Variants in PTPRT observed in about 807,000 individuals in gnomAD.
PTPRT encodes protein tyrosine phosphatase receptor type T.
A neutral mutation model predicts 176.8 loss-of-function variants in PTPRT; 56 were observed. That is an observed-to-expected ratio of 0.32 (90% confidence interval 0.26 to 0.40). PTPRT has a LOEUF of 0.40. Ranked by LOEUF, PTPRT falls within the 10% of genes least tolerant of loss-of-function variation. The pLI, the probability that PTPRT is intolerant of heterozygous loss-of-function variation, is 1.00. For synonymous variants in PTPRT, 783 were observed against 739.0 expected, an observed-to-expected ratio of 1.06 and a Z score of -0.96; for missense variants, 1,540 against 1,908.2, an observed-to-expected ratio of 0.81 and a Z score of 3.60.
intron 9 of PTPRT, among the ~76,000 whole-genome samples, chr20:42,440,615 C>T (rs1332919320): frequency 3.3e-5 from 5 of 151,698 alleles, no homozygotes; most frequent in African/African-American, 1.2e-4. Flanking sequence ...GTAGCTGGGA[C>T]TACAGGTGCC....
At chr20:42,516,089 C>G (rs1427687359) in intron 7 of PTPRT, among the ~76,000 whole-genome samples, 3 of 121,806 alleles carry the variant, frequency 2.5e-5, no homozygotes, top group African/African-American at 6.5e-5. Flanking sequence ...GAATATCACA[C>G]TCTGGGGACT....
At chr20:42,757,484 T>C (rs980755041) in intron 5 of PTPRT, among the ~76,000 whole-genome samples, 10 of 152,154 alleles carry the variant, frequency 6.6e-5, no homozygotes, top group Non-Finnish European at 1.3e-4. Context: ...CACATGCTCT[T>C]TTCTCTGCCT....
At chr20:43,005,797 G>T (rs1984825116) in intron 1 of PTPRT, among the ~76,000 whole-genome samples, 1 of 152,098 alleles carries the variant, frequency 6.6e-6, no homozygotes, top group Admixed American at 6.5e-5. Flanking sequence ...AATTTTAAAA[G>T]AAATATTTGT....
intron 15 of PTPRT, among the ~76,000 whole-genome samples, chr20:42,218,249 T>TC (rs2055816028): frequency 6.6e-6 from 1 of 152,208 alleles, no homozygotes; most frequent in African/African-American, 2.4e-5. Context: ...TGGATTACAT[T>TC]AAGTTAAAAA....
At chr20:42,744,659 A>G (rs550226488) in intron 6 of PTPRT, among the ~76,000 whole-genome samples, 1 of 152,296 alleles carries the variant, frequency 6.6e-6, no homozygotes, top group South Asian at 2.1e-4. Flanking sequence ...TTATCACTTC[A>G]ATATTAATAA....
At chr20:42,691,886 AAGAGAACATG>A (rs1367807559) in intron 6 of PTPRT, among the ~76,000 whole-genome samples, 6 of 152,200 alleles carry the variant, frequency 3.9e-5, no homozygotes, top group African/African-American at 1.2e-4. Context: ...TCTGTAGAGG[AAGAGAACATG>A]AGGAAACAGG....
chr20:42,751,807 G>A (rs1222779716), intron 6 of PTPRT, among the ~76,000 whole-genome samples: 2 of 152,066 alleles, frequency 1.3e-5, no homozygotes, highest in Non-Finnish European at 2.9e-5. Context: ...CTACACTGCC[G>A]AGCTTTCCTA....
chr20:42,724,466 T>G (rs1230640228), intron 6 of PTPRT, among the ~76,000 whole-genome samples: 2 of 152,170 alleles, frequency 1.3e-5, no homozygotes, highest in Non-Finnish European at 2.9e-5. Context: ...CATTTCTTTC[T>G]TGTTTCCCTC....
At chr20:42,458,597 T>C (rs763531014) in intron 8 of PTPRT, among the ~76,000 whole-genome samples, 3 of 152,154 alleles carry the variant, frequency 2.0e-5, no homozygotes, top group Non-Finnish European at 2.9e-5. Context: ...AGCTCTAGGG[T>C]AGCCTAGAGA....
intron 7 of PTPRT, among the ~76,000 whole-genome samples, chr20:42,531,874 A>G (rs2072390557): frequency 6.6e-6 from 1 of 152,162 alleles, no homozygotes; most frequent in African/African-American, 2.4e-5. Flanking sequence ...GGAAACATAT[A>G]CAGAAAAGGG....
chr20:42,535,148 A>C (rs755306371), intron 7 of PTPRT, among the ~76,000 whole-genome samples: 2 of 152,146 alleles, frequency 1.3e-5, no homozygotes, highest in East Asian at 1.9e-4. Flanking sequence ...CAGACACACA[A>C]AAAAAATGAG....
intron 8 of PTPRT, among the ~76,000 whole-genome samples, chr20:42,454,483 G>A (rs1052108811): frequency 4.2e-4 from 64 of 151,996 alleles, no homozygotes; most frequent in African/African-American, 1.4e-3. Context: ...CTACTCCTCC[G>A]CATCTTTATA....
At chr20:42,311,683 C>CT (rs1420357511) in intron 12 of PTPRT, among the ~76,000 whole-genome samples, 9 of 151,712 alleles carry the variant, frequency 5.9e-5, no homozygotes, top group African/African-American at 1.2e-4. Flanking sequence ...CAAAACAACA[C>CT]TTTTTTACCC....
chr20:42,448,124 C>T (rs985851900), intron 9 of PTPRT, 96 bp downstream of exon 9: 7 of 973,838 alleles, frequency 7.2e-6, no homozygotes, highest in Non-Finnish European at 1.1e-5. Context: ...TCTTACTCAC[C>T]TTTATACGTT....
At chr20:42,586,443 T>A (rs985593115) in intron 7 of PTPRT, among the ~76,000 whole-genome samples, 15 of 152,138 alleles carry the variant, frequency 9.9e-5, no homozygotes, top group Non-Finnish European at 1.6e-4. Flanking sequence ...ACCCCTGCTG[T>A]GGGGAAGGGA....
chr20:42,510,648 G>A (rs112171812), intron 7 of PTPRT, among the ~76,000 whole-genome samples: 12 of 152,124 alleles, frequency 7.9e-5, no homozygotes, highest in African/African-American at 2.4e-4. Flanking sequence ...AAGACAAAGC[G>A]GTAGAACTAA....
intron 7 of PTPRT, among the ~76,000 whole-genome samples, chr20:42,540,778 T>A (rs2072564922): frequency 6.6e-6 from 1 of 152,094 alleles, no homozygotes; most frequent in East Asian, 1.9e-4. Context: ...CATGGTTCAG[T>A]TTTGAATAGC....
At chr20:43,145,339 G>A (rs2014139193) in intron 1 of PTPRT, among the ~76,000 whole-genome samples, 1 of 152,282 alleles carries the variant, frequency 6.6e-6, no homozygotes, top group Admixed American at 6.5e-5. Flanking sequence ...CTCCAAGCTT[G>A]TTGAAAGAAA....
intron 1 of PTPRT, among the ~76,000 whole-genome samples, chr20:42,964,724 T>C (rs569259107): frequency 6.6e-6 from 1 of 152,314 alleles, no homozygotes; most frequent in East Asian, 1.9e-4. Flanking sequence ...TCGGTGATGA[T>C]TAAAATAACA....
Sources: allele counts gnomAD v4.1 joint callset (sites outside exome capture counted in the v4.1 genomes callset), GRCh38; gene constraint gnomAD v4.1.1; transcripts MANE v1.5; gene names NCBI Gene and HGNC (gene_info 2026-07-23, HGNC 2026-07-21).